The following SLC9A2 variants were observed in gnomAD, a reference collection of about 807,000 sequenced individuals.
SLC9A2 encodes the protein solute carrier family 9 member A2.
A neutral mutation model predicts 71.7 loss-of-function variants in SLC9A2; 42 were observed. The observed-to-expected ratio is 0.59, with a 90% CI of 0.46 to 0.76. The LOEUF is 0.76. SLC9A2 is among the 30% of genes least tolerant of loss of function. The pLI is 0.00. For missense variants in SLC9A2, 829 were observed against 1,017.4 expected (o/e 0.81, Z 2.52); for synonymous variants, 396 against 392.5 (o/e 1.01, Z -0.10).
intron 3 of SLC9A2, among the ~76,000 whole-genome samples, chr2:102,674,896 T>A (rs1677321032): frequency 6.6e-6 from 1 of 152,134 alleles, no homozygotes; most frequent in Non-Finnish European, 1.5e-5. Flanking sequence ...GAAACCAGGG[T>A]CACAGAGAAA....
chr2:102,654,071 G>C (rs1676886705), intron 1 of SLC9A2, among the ~76,000 whole-genome samples: 1 of 152,164 alleles, frequency 6.6e-6, no homozygotes, highest in South Asian at 2.1e-4. Flanking sequence ...TTCAAGTAAG[G>C]GGGCAGTCCT....
chr2:102,622,630 C>T (rs1676162860), intron 1 of SLC9A2, among the ~76,000 whole-genome samples: 1 of 152,186 alleles, frequency 6.6e-6, no homozygotes, highest in Non-Finnish European at 1.5e-5. Context: ...AGGTCTGTCT[C>T]ATTTCTCATC....
intron 1 of SLC9A2, among the ~76,000 whole-genome samples, chr2:102,639,287 T>C (rs1676527622): frequency 6.6e-6 from 1 of 152,274 alleles, no homozygotes. Context: ...ATTTTCCTAT[T>C]CTTTGACATT....
At chr2:102,623,664 G>A (rs565068429) in intron 1 of SLC9A2, among the ~76,000 whole-genome samples, 1 of 152,290 alleles carries the variant, frequency 6.6e-6, no homozygotes, top group East Asian at 1.9e-4. Context: ...AGCTGTGCAG[G>A]TGGATATGAT....
chr2:102,664,711 G>A (rs1196250567), intron 2 of SLC9A2, among the ~76,000 whole-genome samples: 1 of 152,090 alleles, frequency 6.6e-6, no homozygotes, highest in East Asian at 1.9e-4. Context: ...GCACTGATAA[G>A]CTTTCTCACT....
chr2:102,632,027 T>TACACACACAC (rs1558701250), intron 1 of SLC9A2, among the ~76,000 whole-genome samples: 18 of 76,964 alleles, frequency 2.3e-4, no homozygotes, highest in African/African-American at 8.1e-4. Context: ...TATATATATA[T>TACACACACAC]ATATATATAT....
At chr2:102,701,293 A>G in intron 8 of SLC9A2, 62 bp downstream of exon 8, 3 of 1,205,758 alleles carry the variant, frequency 2.5e-6, no homozygotes, top group Middle Eastern at 2.7e-4. Flanking sequence ...GTATTTTGAA[A>G]CTGGTAATAA....
rs199725113 is a variant in SLC9A2 at position 102,657,874 on chromosome 2, C to T, written c.600C>T (p.Ser200=). 4.3e-5 allele frequency: 70 copies of T among 1,614,094 alleles called. No homozygotes were observed. The highest frequency in any genetic ancestry group is 8.0e-5 in the African/African-American group (6 of 74,936). Reference sequence around the variant, plus strand: ...GCCAGATCGAAGCATTCGGCCTCAGCGACATCACTTTGCTCCAGAACCTGC... The same window carrying T: ...GCCAGATCGAAGCATTCGGCCTCAGTGACATCACTTTGCTCCAGAACCTGC... ...GICQIEAFGL[S]DITLLQNLLF... The change falls in exon 2 of 12, where the codon AGC becomes AGT. Residue 200 remains serine, a synonymous_variant. Coordinates refer to ENST00000233969, the MANE Select transcript of SLC9A2 (RefSeq NM_003048.6).
chr2:102,684,337 G>A lies in SLC9A2; in HGVS notation c.1425+1G>A, dbSNP rs1677509149. ...CATATTCTTTACTGTCTTCATTCTG[G>A]TAAGTAGAGTGATCCCTTTACCAGG... On this transcript the variant is annotated splice_donor_variant, in intron 5 of 11. Coordinates refer to ENST00000233969, the MANE Select transcript of SLC9A2 (RefSeq NM_003048.6). LOFTEE classifies it high-confidence loss of function. 2 of 1,612,144 alleles carry A rather than the reference G, an allele frequency of 1.2e-6. No homozygotes were observed. The highest frequency in any genetic ancestry group is 1.7e-6 in the Non-Finnish European group (2 of 1,178,230).
chr2:102,670,981 A>G (rs1280986893), intron 3 of SLC9A2, among the ~76,000 whole-genome samples: 2 of 151,102 alleles, frequency 1.3e-5, no homozygotes, highest in East Asian at 3.9e-4. Context: ...TAACCAGTTC[A>G]ACATGTTTAC....
intron 3 of SLC9A2, among the ~76,000 whole-genome samples, chr2:102,670,035 T>G (rs983912448): frequency 3.7e-5 from 1 of 27,320 alleles, no homozygotes; most frequent in Non-Finnish European, 5.6e-5. Context: ...TTTATTTTTA[T>G]TTTTTATTTT....
At chr2:102,645,594 A>C (rs1676706069) in intron 1 of SLC9A2, among the ~76,000 whole-genome samples, 1 of 152,038 alleles carries the variant, frequency 6.6e-6, no homozygotes, top group South Asian at 2.1e-4. Context: ...TAACCAGTTT[A>C]AAGAAGAACA....
At chr2:102,689,883 A>T (rs1473667079) in intron 5 of SLC9A2, 7 of 152,238 alleles carry the variant, frequency 4.6e-5, no homozygotes, top group Admixed American at 2.0e-4. Flanking sequence ...CATTTTGGAC[A>T]TATATATTTG....
At chr2:102,696,574 C>G (rs190447991) in intron 7 of SLC9A2, among the ~76,000 whole-genome samples, 2 of 152,062 alleles carry the variant, frequency 1.3e-5, no homozygotes, top group African/African-American at 4.8e-5. Context: ...ACAACAAAAC[C>G]GTCACACAGC....
chr2:102,638,594 A>C lies in SLC9A2; in HGVS notation c.289+18457A>C, dbSNP rs79114654. On this transcript the variant is annotated intron_variant, in intron 1 of 11. Coordinates refer to ENST00000233969, the MANE Select transcript of SLC9A2 (RefSeq NM_003048.6). ...TGGGTACATCAGTTATGGTCCTGGC[A>C]ATTATTGATGTCTTGAATGAAAGTG... is the stretch of plus-strand genomic sequence containing the variant. Among the ~76,000 whole-genome samples, 828 of 152,348 alleles carry C rather than the reference A, an allele frequency of 5.4e-3. 10 individuals are homozygous for C. Among genetic ancestry groups the C allele is most frequent in the African/African-American group, 0.018 (762 of 41,586 alleles).
At chr2:102,643,164 G>T (rs1676643672) in intron 1 of SLC9A2, among the ~76,000 whole-genome samples, 1 of 152,146 alleles carries the variant, frequency 6.6e-6, no homozygotes, top group Admixed American at 6.5e-5. Context: ...GCTGGACTAT[G>T]GTGACGTCCA....
chr2:102,694,407 T>C lies in SLC9A2; in HGVS notation c.1426-7T>C, dbSNP rs959637474. 2 of 1,336,662 alleles carry C rather than the reference T, an allele frequency of 1.5e-6. No homozygotes were observed. Among genetic ancestry groups the C allele is most frequent in the Admixed American group, 4.1e-5 (2 of 48,580 alleles). 82.8% of individuals were successfully genotyped at this position (1,336,662 alleles called of 1,614,324 possible). On this transcript the variant is annotated splice_region_variant and splice_polypyrimidine_tract_variant and intron_variant, in intron 5 of 11. Coordinates refer to ENST00000233969, the MANE Select transcript of SLC9A2 (RefSeq NM_003048.6). Reference sequence around the variant, plus strand: ...TATGAAATGCTTAAATTGTGTTTCCTGTTCAGGGAATAACTATTCGACCAC... The same window carrying C: ...TATGAAATGCTTAAATTGTGTTTCCCGTTCAGGGAATAACTATTCGACCAC...
At chr2:102,688,706 GAC>G (rs1254047200) in intron 5 of SLC9A2, among the ~76,000 whole-genome samples, 2 of 152,084 alleles carry the variant, frequency 1.3e-5, no homozygotes, top group African/African-American at 4.8e-5. Flanking sequence ...CCAGCCTGGC[GAC>G]AGAGCAAGAC....
At chr2:102,691,692 T>C (rs1677666143) in intron 5 of SLC9A2, among the ~76,000 whole-genome samples, 1 of 152,250 alleles carries the variant, frequency 6.6e-6, no homozygotes, top group Non-Finnish European at 1.5e-5. Flanking sequence ...TGCTATAAGC[T>C]TTATGATTAT....
Sources: gnomAD v4.1 joint callset for allele counts (sites outside exome capture counted in the v4.1 genomes callset) on GRCh38, gnomAD v4.1.1 for gene constraint, MANE v1.5 for transcripts, NCBI Gene and HGNC (gene_info 2026-07-23, HGNC 2026-07-21) for gene names.